The following ATP13A1 variants were observed in gnomAD, a reference collection of about 807,000 sequenced individuals.
The protein encoded by ATP13A1 is ATPase 13A1.
A neutral mutation model predicts 134.8 loss-of-function variants in ATP13A1; 55 were observed. The observed-to-expected ratio is 0.41, with a 90% confidence interval of 0.33 to 0.51. The LOEUF is 0.51. Among genes scored for constraint, ATP13A1 ranks in the 20% least tolerant of loss-of-function variants. The pLI is 0.29. For synonymous variants in ATP13A1, 775 were observed against 725.1 expected (o/e 1.07, Z -1.10); for missense variants, 1,389 against 1,652.8 (o/e 0.84, Z 2.77).
chr19:19,655,190 C>A lies in ATP13A1; in HGVS notation c.1584G>T (p.Glu528Asp), dbSNP rs760028267. 3.9e-5 allele frequency: 63 copies of A among 1,613,920 alleles called. No individual in the cohort carries two copies. The highest frequency in any genetic ancestry group is 4.4e-5 in the South Asian group (4 of 91,094). The change falls in exon 12 of 26, where the codon GAG becomes GAT. Residue 528 changes from glutamate to aspartate, a missense_variant. By Grantham distance (45) the Glu-to-Asp change is conservative. This residue lies in a region of ATP13A1 where 747 missense variants were observed against 956.1 expected (regional missense o/e 0.78). Transcript: ENST00000357324. This position sits in a 1 kb window ranked among gnomAD's most constrained non-coding sequence, Gnocchi z 5.7. ...PFRIPFAGKV[E>D]VCCFDKTGTL... Reference sequence around the variant, plus strand: ...TCCCCGTCTTGTCAAAGCAGCACACCTCGACCTTGCCAGCAAAGGGGATCC... The same window carrying A: ...TCCCCGTCTTGTCAAAGCAGCACACATCGACCTTGCCAGCAAAGGGGATCC...
intron 1 of ATP13A1, 67 bp from the exon 2 acceptor site, chr19:19,660,054 G>A: frequency 1.4e-6 from 2 of 1,414,256 alleles, no homozygotes; most frequent in South Asian, 2.6e-5. Flanking sequence ...ACCCCCCCGG[G>A]AGGTTTTGGG....
At chr19:19,658,850 C>A (rs2062076578) in intron 3 of ATP13A1, among the ~76,000 whole-genome samples, 1 of 152,212 alleles carries the variant, frequency 6.6e-6, no homozygotes, top group Non-Finnish European at 1.5e-5. Flanking sequence ...TGCCTGTAAT[C>A]CCAGCACTTT....
rs747244530 is a variant in ATP13A1 at position 19,656,948 on chromosome 19, C to G, written c.907-32G>C. ...GGGGCATGGGTGTCAGCACAGAAGCCGCACCTGTGCTGCACCCCCAACCTG... is the reference window on the plus strand; with the variant it reads ...GGGGCATGGGTGTCAGCACAGAAGCGGCACCTGTGCTGCACCCCCAACCTG... On this transcript the variant is annotated intron_variant, in intron 5 of 25. Coordinates refer to ENST00000357324, the MANE Select transcript of ATP13A1 (RefSeq NM_020410.3). The surrounding 1 kb of genome is among the most constrained non-coding windows in gnomAD (Gnocchi z 4.6). 1 of 1,604,790 alleles carries G rather than the reference C, an allele frequency of 6.2e-7. No homozygotes were observed. The highest frequency in any genetic ancestry group is 1.1e-5 in the South Asian group (1 of 89,654).
At position 19,654,009 on chromosome 19, in the gene ATP13A1, A is replaced by G; in HGVS notation, c.1949T>C (p.Ile650Thr). Residue 650 changes from isoleucine (I) to threonine (T), a missense_variant, in exon 14 of 26, where the codon ATC becomes ACC. Around this residue, in one of 4 missense-constraint regions of ATP13A1, gnomAD observed 747 missense variants for 956.1 expected, o/e 0.78. Transcript: ENST00000357324. ...TTCGGGGGCCCCCTTCACGGCCGCGATGTAGCAGAGGTCGGTGGAGCCCAG... is the reference window on the plus strand; with the variant it reads ...TTCGGGGGCCCCCTTCACGGCCGCGGTGTAGCAGAGGTCGGTGGAGCCCAG... ...EKLGSTDLCY[I>T]AAVKGAPETL... The G allele has an allele frequency of 6.3e-7, 1 of 1,599,408 alleles. No individual in the cohort carries two copies. The highest frequency in any genetic ancestry group is 8.5e-7 in the Non-Finnish European group (1 of 1,173,398).
chr19:19,658,313 G>A (rs1299789796), intron 3 of ATP13A1, among the ~76,000 whole-genome samples: 3 of 152,046 alleles, frequency 2.0e-5, no homozygotes, highest in African/African-American at 7.2e-5. Flanking sequence ...TCTTATGTAT[G>A]GGATGTGAGA....
At position 19,655,788 on chromosome 19, in the gene ATP13A1, C is replaced by T. The variant is rs541157249; in HGVS notation, c.1269+90G>A. 5 of 1,535,386 alleles carry T rather than the reference C, an allele frequency of 3.3e-6. No individual in the cohort carries two copies. Among genetic ancestry groups the T allele is most frequent in the East Asian group, 2.4e-5 (1 of 41,018 alleles). ...CAGGGCCGTGCTGCCAGAGTCAGCC[C>T]GTGGGGCAGATGTTCTGGGGTCGGA... On this transcript the variant is annotated intron_variant, in intron 9 of 25. Coordinates refer to ENST00000357324, the MANE Select transcript of ATP13A1 (RefSeq NM_020410.3). The surrounding 1 kb of genome is among the most constrained non-coding windows in gnomAD (Gnocchi z 5.7).
rs768394679 is a variant in ATP13A1 at position 19,654,685 on chromosome 19, C to T, written c.1671G>A (p.Val557=). The change falls in exon 13 of 26, where the codon GTG becomes GTA. Residue 557 remains valine, a synonymous_variant. Transcript: ENST00000357324. The part of the protein sequence containing the change: ...GVAGLRDGKE[V]TPVSSIPVET... ...CTACAGGGATGCTGGACACTGGGGT[C>T]ACCTCCTTCCCGTCTCTGCAAGGTC... The T allele has an allele frequency of 6.2e-7, 1 of 1,612,368 alleles. No homozygotes were observed.
intron 1 of ATP13A1, 191 bp downstream of exon 1, chr19:19,663,080 C>G (rs1249407221): frequency 1.2e-6 from 1 of 826,412 alleles, no homozygotes; most frequent in Non-Finnish European, 2.1e-6. Flanking sequence ...ATAACCCGCA[C>G]CAGGCATGCA....
Position 19,651,633 on chromosome 19 carries a change from G to A in ATP13A1, c.2335+56C>T. 2.1e-6 allele frequency: 3 copies of A among 1,408,980 alleles called. No individual in the cohort carries two copies. The Admixed American group carries it at 5.9e-5, about 28-fold the overall frequency. 87.3% of individuals were successfully genotyped at this position (1,408,980 alleles called of 1,614,324 possible). ...ACACAGGTGGGCTGTTGCGATGGGA[G>A]CTGTTCTTGGACTCAGGGTCCCCCT... On this transcript the variant is annotated intron_variant, in intron 17 of 25. Transcript: ENST00000357324.
Position 19,647,180 on chromosome 19 carries a change from G to C in ATP13A1, c.3054C>G (p.Thr1018=), listed in dbSNP as rs896806362. Residue 1018 remains threonine (T), a synonymous_variant, in exon 22 of 26, where the codon ACC becomes ACG. Transcript: ENST00000357324. This position sits in a 1 kb window ranked among gnomAD's most constrained non-coding sequence, Gnocchi z 4.8. ...EGVKFSDFQA[T]LQGLLLAGCF... is the part of the protein sequence containing the mutation. ...AGCCGGCCAGCAGCAGCCCCTGTAGGGTGGCCTGGAAGTCACTGAACTTGA... is the reference window on the plus strand; with the variant it reads ...AGCCGGCCAGCAGCAGCCCCTGTAGCGTGGCCTGGAAGTCACTGAACTTGA... 1.3e-5 allele frequency: 21 copies of C among 1,613,766 alleles called. No homozygotes were observed. Among genetic ancestry groups the C allele is most frequent in the Non-Finnish European group, 1.5e-5 (18 of 1,179,844 alleles).
rs1319094158 is a variant in ATP13A1 at position 19,647,429 on chromosome 19, A to G, written c.2893T>C (p.Ser965Pro). The change falls in exon 21 of 26, where the codon TCA becomes CCA. Residue 965 changes from serine (S) to proline (P), a missense_variant. Transcript: ENST00000357324. This position sits in a 1 kb window ranked among gnomAD's most constrained non-coding sequence, Gnocchi z 4.8. ...SIAAPFTSKLSSIQCICHVIK... is the reference protein window; with the variant it reads ...SIAAPFTSKLPSIQCICHVIK... ...GGCAACTCACTGCACTGGATGGATG[A>G]GAGCTTGGAGGTGAAGGGTGCTGCG... 1 of 1,613,322 alleles carries G rather than the reference A, an allele frequency of 6.2e-7. No homozygotes were observed. Among genetic ancestry groups the G allele is most frequent in the Non-Finnish European group, 8.5e-7 (1 of 1,179,638 alleles).
chr19:19,649,962 AGGGCTGG>A, intron 17 of ATP13A1, 22 bp from the exon 18 acceptor site: 3 of 1,564,342 alleles, frequency 1.9e-6, no homozygotes, highest in Non-Finnish European at 2.6e-6. Context: ...ACCTAGGGTT[AGGGCTGG>A]GGGCTTGGCT....
In ATP13A1 at chr19:19,649,588, C is replaced by A. The variant is rs1026495705; in HGVS notation, c.2611G>T (p.Ala871Ser). Residue 871 changes from alanine (A) to serine (S), a missense_variant, in exon 19 of 26, where the codon GCC becomes TCC. This residue lies in a region of ATP13A1 where 747 missense variants were observed against 956.1 expected (regional missense o/e 0.78). Coordinates refer to ENST00000357324, the MANE Select transcript of ATP13A1 (RefSeq NM_020410.3). ...MCGDGTNDVGALKHADVGVAL... is the reference protein window; with the variant it reads ...MCGDGTNDVGSLKHADVGVAL... ...TCACCCACGTCAGCATGCTTCAGGGCGCCCACGTCGTTGGTGCCATCCCCA... is the reference window on the plus strand; with the variant it reads ...TCACCCACGTCAGCATGCTTCAGGGAGCCCACGTCGTTGGTGCCATCCCCA... 72 of 1,613,590 alleles carry A rather than the reference C, an allele frequency of 4.5e-5. No individual in the cohort carries two copies. Among genetic ancestry groups the A allele is most frequent in the Non-Finnish European group, 5.9e-5 (70 of 1,179,770 alleles).
In ATP13A1 at chr19:19,663,605, C is replaced by G. The variant is rs1490611865; in HGVS notation, c.62G>C (p.Arg21Pro). ...VPCGARPCGV[R>P]PDGQPKPGPQ... ...CCCGGGCTTGGGCTGCCCGTCAGGC[C>G]GGACCCCGCAAGGCCGGGCCCCGCA... The change falls in exon 1 of 26, where the codon CGG becomes CCG. Residue 21 changes from arginine (R) to proline (P), a missense_variant. Transcript: ENST00000357324. The G allele has an allele frequency of 7.0e-7, 1 of 1,421,836 alleles. No homozygotes were observed. The highest frequency in any genetic ancestry group is 1.5e-5 in the African/African-American group (1 of 66,218). 88.1% of individuals were successfully genotyped at this position (1,421,836 alleles called of 1,614,324 possible).
Position 19,647,230 on chromosome 19 carries a change from G to A in ATP13A1, c.3004C>T (p.Gln1002Ter). The A allele has an allele frequency of 6.2e-7, 1 of 1,613,946 alleles. No homozygotes were observed. The highest frequency in any genetic ancestry group is 8.5e-7 in the Non-Finnish European group (1 of 1,179,886). The part of the protein sequence containing the change: ...ALNALILAYS[Q>*]SVLYLEGVKF... ...ACTCCCTCCAGGTAGAGGACGCTCT[G>A]GCTGTAGGCCAGGATGAGGGCATTG... The change falls in exon 22 of 26, where the codon CAG (glutamine) becomes TAG (stop). Residue 1002 changes from glutamine (Q) to a stop codon, truncating the protein, a stop_gained. Transcript: ENST00000357324. LOFTEE classifies it high-confidence loss of function. The surrounding 1 kb of genome is among the most constrained non-coding windows in gnomAD (Gnocchi z 4.8).
intron 3 of ATP13A1, among the ~76,000 whole-genome samples, chr19:19,658,201 A>G (rs1339617871): frequency 6.6e-6 from 1 of 150,528 alleles, no homozygotes; most frequent in African/African-American, 2.4e-5. Flanking sequence ...ACTTGGGCCT[A>G]AGGGTGTGTT....
chr19:19,660,761 C>G (rs895798380), intron 1 of ATP13A1: 4 of 151,814 alleles, frequency 2.6e-5, no homozygotes, highest in East Asian at 3.9e-4. Flanking sequence ...GCACTCCAGC[C>G]TGGGCGACAG....
rs768733766 is a variant in ATP13A1 at position 19,651,801 on chromosome 19, G to GATCATGATAAAGA, written c.2227-5_2227-4insTCTTTATCATGAT. The GATCATGATAAAGA allele has an allele frequency of 2.5e-6, 4 of 1,609,064 alleles. No homozygotes were observed. Among genetic ancestry groups the GATCATGATAAAGA allele is most frequent in the Non-Finnish European group, 2.5e-6 (3 of 1,176,910 alleles). On this transcript the variant is annotated splice_region_variant and splice_polypyrimidine_tract_variant and intron_variant, in intron 16 of 25. Coordinates refer to ENST00000357324, the MANE Select transcript of ATP13A1 (RefSeq NM_020410.3). ...TGTCTCCCGTGATCATGACCACCTTGGGTAAAGAGGGGCAGAGGCTCAGCA... is the reference window on the plus strand; with the variant it reads ...TGTCTCCCGTGATCATGACCACCTTGATCATGATAAAGAGGTAAAGAGGGGCAGAGGCTCAGCA...
At position 19,656,593 on chromosome 19, in the gene ATP13A1, CT is replaced by C. The variant is rs112822125; in HGVS notation, c.1083+66del. On this transcript the variant is annotated intron_variant, in intron 7 of 25. Coordinates refer to ENST00000357324, the MANE Select transcript of ATP13A1 (RefSeq NM_020410.3). This position sits in a 1 kb window ranked among gnomAD's most constrained non-coding sequence, Gnocchi z 4.6. ...GCCTGAGGGGGATCCCCGCCACCCCCTGGGCCTCCACCTCCTGGCCTGTTTC... is the reference window on the plus strand; with the variant it reads ...GCCTGAGGGGGATCCCCGCCACCCCCGGGCCTCCACCTCCTGGCCTGTTTC... 3,448 of 1,516,430 alleles carry C rather than the reference CT, an allele frequency of 2.3e-3. 74 individuals carry two copies. The African/African-American group carries it at 0.041, about 18-fold the overall frequency. 93.9% of individuals were successfully genotyped at this position (1,516,430 alleles called of 1,614,324 possible).
Sources: gnomAD v4.1 joint callset for allele counts (sites outside exome capture counted in the v4.1 genomes callset) on GRCh38, gnomAD v4.1.1 for gene constraint, gnomAD v4.1.1 regional missense constraint, Gnocchi (gnomAD v3.1) non-coding constraint, MANE v1.5 for transcripts, NCBI Gene and HGNC (gene_info 2026-07-23, HGNC 2026-07-21) for gene names.